The following DPP10 variants were observed in gnomAD, a reference collection of about 807,000 sequenced individuals.
The protein encoded by DPP10 is inactive dipeptidyl peptidase 10.
Under a neutral mutation model 120.9 loss-of-function variants are expected in DPP10, and 33 were observed. That is an observed-to-expected ratio of 0.27 (90% CI 0.21 to 0.37). The LOEUF is 0.37. Ranked by LOEUF, DPP10 falls within the 10% of genes least tolerant of loss-of-function variation. The pLI is 1.00. For synonymous variants in DPP10, 337 were observed against 326.1 expected (o/e 1.03, Z -0.36); for missense variants, 816 against 942.8 (o/e 0.87, Z 1.76).
At chr2:115,399,804 A>T (rs138292244) in intron 3 of DPP10, among the ~76,000 whole-genome samples, 4 of 152,312 alleles carry the variant, frequency 2.6e-5, no homozygotes, top group Non-Finnish European at 5.9e-5. Context: ...TAAGTGTTTC[A>T]TAAAAATTCT....
At chr2:115,356,106 G>C (rs2064367380) in intron 3 of DPP10, among the ~76,000 whole-genome samples, 1 of 151,978 alleles carries the variant, frequency 6.6e-6, no homozygotes, top group Non-Finnish European at 1.5e-5. Context: ...GTCAATGGTA[G>C]TTTGATGGGA....
intron 3 of DPP10, among the ~76,000 whole-genome samples, chr2:115,374,625 A>C (rs2065652706): frequency 6.6e-6 from 1 of 152,182 alleles, no homozygotes; most frequent in Non-Finnish European, 1.5e-5. Flanking sequence ...AGGGCTCCGC[A>C]CATGCAGCAT....
intron 3 of DPP10, among the ~76,000 whole-genome samples, chr2:115,402,333 G>C (rs1451334331): frequency 6.6e-6 from 1 of 151,970 alleles, no homozygotes; most frequent in Admixed American, 6.6e-5. Context: ...GGACCACCTG[G>C]GGTCAGTTGG....
In DPP10 at chr2:115,722,830, C is replaced by T. The variant is rs536062815; in HGVS notation, c.577-4986C>T. Among the ~76,000 whole-genome samples the T allele has an allele frequency of 2.0e-5, 3 of 152,298 alleles. No individual in the cohort carries two copies. In the South Asian group the frequency reaches 6.2e-4, roughly 32 times the overall value. On this transcript the variant is annotated intron_variant, in intron 7 of 25. Coordinates refer to ENST00000410059, the MANE Select transcript of DPP10 (RefSeq NM_020868.6). ...TTTCCAAATGGGAAAACAGATATTA[C>T]TCTAGTGGTCCAGATAGAAGAGATT...
intron 1 of DPP10, among the ~76,000 whole-genome samples, chr2:114,697,234 A>C (rs2105797097): frequency 6.6e-6 from 1 of 152,234 alleles, no homozygotes; most frequent in South Asian, 2.1e-4. Context: ...GCCTGGGTTA[A>C]AATTACAGTC....
intron 1 of DPP10, among the ~76,000 whole-genome samples, chr2:115,168,550 C>G (rs1469165812): frequency 6.6e-6 from 1 of 152,146 alleles, no homozygotes; most frequent in Non-Finnish European, 1.5e-5. Flanking sequence ...TTTTTATTGA[C>G]CTGATCCACA....
intron 1 of DPP10, among the ~76,000 whole-genome samples, chr2:114,479,258 A>T (rs1194159016): frequency 6.6e-6 from 1 of 152,198 alleles, no homozygotes; most frequent in African/African-American, 2.4e-5. Context: ...AAATTTATAT[A>T]GAAAGGCATA....
intron 17 of DPP10, among the ~76,000 whole-genome samples, chr2:115,786,678 G>A (rs1430983360): frequency 1.3e-5 from 2 of 152,114 alleles, no homozygotes; most frequent in African/African-American, 4.8e-5. Flanking sequence ...GAACTCCAAT[G>A]CAATAAGGAA....
chr2:114,726,558 C>T (rs1464707796), intron 1 of DPP10, among the ~76,000 whole-genome samples: 1 of 152,186 alleles, frequency 6.6e-6, no homozygotes, highest in South Asian at 2.1e-4. Flanking sequence ...TTCATTTTTG[C>T]ACTGAAATAT....
At chr2:114,481,593 T>C (rs1363682753) in intron 1 of DPP10, among the ~76,000 whole-genome samples, 1 of 152,152 alleles carries the variant, frequency 6.6e-6, no homozygotes, top group Admixed American at 6.6e-5. Context: ...ATAATTGTGG[T>C]ATAAACTTAT....
chr2:115,515,866 T>C (rs149823596), intron 4 of DPP10, among the ~76,000 whole-genome samples: 181 of 152,196 alleles, frequency 1.2e-3, no homozygotes, highest in African/African-American at 4.0e-3. Flanking sequence ...CCTTCAGTTT[T>C]TAAAATGAAA....
chr2:115,805,235 G>C (rs1489030919), intron 19 of DPP10, among the ~76,000 whole-genome samples: 1 of 152,158 alleles, frequency 6.6e-6, no homozygotes, highest in Admixed American at 6.5e-5. Context: ...CCAGCCAGGT[G>C]TGGGGTATAA....
intron 1 of DPP10, among the ~76,000 whole-genome samples, chr2:115,260,333 T>TA (rs2059198164): frequency 6.6e-6 from 1 of 152,160 alleles, no homozygotes; most frequent in Non-Finnish European, 1.5e-5. Flanking sequence ...AATTTGAACT[T>TA]ACTTTTCTTT....
chr2:115,622,835 T>G (rs908019558), intron 5 of DPP10, among the ~76,000 whole-genome samples: 1 of 122,702 alleles, frequency 8.1e-6, no homozygotes, highest in Non-Finnish European at 1.9e-5. Context: ...TATTCTTTTT[T>G]TTTTTTTTTT....
chr2:114,455,636 A>G (rs1480661421), intron 1 of DPP10, among the ~76,000 whole-genome samples: 1 of 151,990 alleles, frequency 6.6e-6, no homozygotes, highest in African/African-American at 2.4e-5. Context: ...AGTGATTTCA[A>G]GTTTGGAGAA....
At chr2:115,090,983 TG>T (rs1368594646) in intron 1 of DPP10, among the ~76,000 whole-genome samples, 1 of 152,196 alleles carries the variant, frequency 6.6e-6, no homozygotes, top group Non-Finnish European at 1.5e-5. Context: ...AGGTGGTTTT[TG>T]ATCAAGGTGA....
intron 21 of DPP10, among the ~76,000 whole-genome samples, chr2:115,818,881 A>G (rs1687530194): frequency 6.6e-6 from 1 of 151,658 alleles, no homozygotes; most frequent in Non-Finnish European, 1.5e-5. Flanking sequence ...GATACAAACA[A>G]GTAAAAATAT....
At chr2:115,164,069 G>A (rs1360684578) in intron 1 of DPP10, among the ~76,000 whole-genome samples, 1 of 152,076 alleles carries the variant, frequency 6.6e-6, no homozygotes, top group Non-Finnish European at 1.5e-5. Context: ...AGTATTTTAA[G>A]TGCCTTTCTG....
At chr2:115,195,000 C>G (rs1411497926) in intron 1 of DPP10, among the ~76,000 whole-genome samples, 2 of 152,094 alleles carry the variant, frequency 1.3e-5, no homozygotes, top group Non-Finnish European at 2.9e-5. Flanking sequence ...GTCAGATAAA[C>G]TTAAGCTGGG....
Sources: gnomAD v4.1 joint callset for allele counts (sites outside exome capture counted in the v4.1 genomes callset) on GRCh38, gnomAD v4.1.1 for gene constraint, MANE v1.5 for transcripts, NCBI Gene and HGNC (gene_info 2026-07-23, HGNC 2026-07-21) for gene names.